RBFOX1: variants seen among roughly 807,000 people sequenced by gnomAD.
The protein encoded by RBFOX1 is RNA binding fox-1 homolog 1, also known as RNA binding protein fox-1 homolog 1.
In RBFOX1, 8 loss-of-function variants were observed where a neutral mutation model predicts 57.7. That is an observed-to-expected ratio of 0.14 (90% confidence interval 0.08 to 0.25). The LOEUF (loss-of-function observed/expected upper bound fraction) is 0.25. Among genes scored for constraint, RBFOX1 ranks in the 10% least tolerant of loss-of-function variants. The probability of loss-of-function intolerance (pLI) is 1.00; values close to 1 mark genes in which losing one functional copy is unlikely to be tolerated. For synonymous variants in RBFOX1, 326 were observed against 222.4 expected (o/e 1.47, Z -4.15); for missense variants, 611 against 548.5 (o/e 1.11, Z -1.14).
At chr16:7,436,542 G>C (rs147111869) in intron 4 of RBFOX1, among the ~76,000 whole-genome samples, 1 of 152,184 alleles carries the variant, frequency 6.6e-6, no homozygotes, top group Non-Finnish European at 1.5e-5. Context: ...ACTCTAGGGG[G>C]CAGGCATAAG....
chr16:6,909,471 A>C (rs563232770), intron 3 of RBFOX1, among the ~76,000 whole-genome samples: 2 of 152,334 alleles, frequency 1.3e-5, no homozygotes, highest in East Asian at 3.9e-4. Flanking sequence ...ATTACGATGC[A>C]GGCATCTTTG....
At chr16:6,742,567 A>C (rs2072510173) in intron 3 of RBFOX1, among the ~76,000 whole-genome samples, 1 of 152,238 alleles carries the variant, frequency 6.6e-6, no homozygotes, top group African/African-American at 2.4e-5. Context: ...TCTGAGTCAA[A>C]AACTGGAAAC....
chr16:7,710,755 C>T lies in RBFOX1; in HGVS notation c.*10C>T. The T allele has an allele frequency of 6.5e-7, 1 of 1,549,192 alleles. No homozygotes were observed. Among genetic ancestry groups the T allele is most frequent in the South Asian group, 1.3e-5 (1 of 79,222 alleles). On this transcript the variant is annotated 3_prime_UTR_variant, in exon 16 of 16. Coordinates refer to ENST00000550418, the MANE Select transcript of RBFOX1 (RefSeq NM_018723.4). The stretch of plus-strand genomic sequence containing the variant: ...TTTTGCTCCATACTAAATGACAAAA[C>T]CATAAAAACCTTCCAATGTGGGGAG...
chr16:6,253,178 C>G (rs1053217530), intron 1 of RBFOX1, among the ~76,000 whole-genome samples: 11 of 152,146 alleles, frequency 7.2e-5, no homozygotes, highest in African/African-American at 2.4e-4. Flanking sequence ...TCTCATCTAA[C>G]TCCAAATTCT....
chr16:7,263,626 G>A (rs76126689), intron 4 of RBFOX1, among the ~76,000 whole-genome samples: 12,350 of 152,078 alleles, frequency 0.081, 525 homozygotes, highest in South Asian at 0.12. Context: ...GGCTGGGAAC[G>A]GTGGCTCACA....
At chr16:7,585,937 C>G (rs548879390) in intron 6 of RBFOX1, among the ~76,000 whole-genome samples, 172 of 152,174 alleles carry the variant, frequency 1.1e-3, no homozygotes, top group Non-Finnish European at 1.6e-3. Flanking sequence ...CCCAGTCGCT[C>G]TGTCCGCTGC....
chr16:5,828,336 T>C (rs1025477127), intron 3 of RBFOX1, among the ~76,000 whole-genome samples: 1 of 152,162 alleles, frequency 6.6e-6, no homozygotes, highest in African/African-American at 2.4e-5. Flanking sequence ...AAACATGGTA[T>C]TAAAGGATAA....
At chr16:7,526,712 C>T (rs201466577) in intron 5 of RBFOX1, among the ~76,000 whole-genome samples, 2 of 152,218 alleles carry the variant, frequency 1.3e-5, no homozygotes, top group South Asian at 2.1e-4. Context: ...TGCTCATTGA[C>T]TGTCAGACTA....
chr16:5,921,917 C>G (rs1421369211), intron 4 of RBFOX1, among the ~76,000 whole-genome samples: 1 of 151,424 alleles, frequency 6.6e-6, no homozygotes, highest in African/African-American at 2.4e-5. Flanking sequence ...TTTGGGAAGG[C>G]AAGGTGGGAG....
At chr16:7,490,316 G>T (rs944044610) in intron 4 of RBFOX1, among the ~76,000 whole-genome samples, 4 of 152,190 alleles carry the variant, frequency 2.6e-5, no homozygotes, top group African/African-American at 9.7e-5. Context: ...TGCTAGCTCT[G>T]CTAGACTAGG....
intron 1 of RBFOX1, among the ~76,000 whole-genome samples, chr16:6,185,336 C>G (rs1203277212): frequency 6.6e-6 from 1 of 152,190 alleles, no homozygotes; most frequent in African/African-American, 2.4e-5. Context: ...TTCATTCCAA[C>G]AAGGCTTCCC....
At position 5,738,922 on chromosome 16, in the gene RBFOX1, C is replaced by G. The variant is rs1293524588; in HGVS notation, c.319-128381C>G. ...CCAGGGAAGATGGATGAACTCAAAG[C>G]AAAATTGGGTCTACATGGATTTTCT... On this transcript the variant is annotated intron_variant, in intron 3 of 19. Transcript: ENST00000641259. Among the ~76,000 whole-genome samples the G allele has an allele frequency of 2.0e-5, 3 of 152,142 alleles. No individual in the cohort carries two copies. In the East Asian group the frequency reaches 5.8e-4, roughly 29 times the overall value.
At chr16:5,945,030 C>T (rs2059371818) in intron 4 of RBFOX1, among the ~76,000 whole-genome samples, 1 of 148,902 alleles carries the variant, frequency 6.7e-6, no homozygotes, top group Non-Finnish European at 1.5e-5. Flanking sequence ...CCATTCTCAC[C>T]TCCCTTGCTG....
chr16:6,907,763 AG>A (rs2070431804), intron 3 of RBFOX1, among the ~76,000 whole-genome samples: 1 of 145,900 alleles, frequency 6.9e-6, no homozygotes, highest in Non-Finnish European at 1.6e-5. Context: ...TAGTAGAGAT[AG>A]GGTTTCACCA....
chr16:7,386,130 G>T (rs1398839204), intron 4 of RBFOX1, among the ~76,000 whole-genome samples: 3 of 152,010 alleles, frequency 2.0e-5, no homozygotes, highest in Non-Finnish European at 4.4e-5. Flanking sequence ...GGCATGGTGA[G>T]GACTCTTGGG....
intron 1 of RBFOX1, among the ~76,000 whole-genome samples, chr16:6,110,684 C>T (rs2096435992): frequency 6.6e-6 from 1 of 152,174 alleles, no homozygotes; most frequent in Non-Finnish European, 1.5e-5. Flanking sequence ...AATATCATCT[C>T]AGTCCTCAAG....
intron 2 of RBFOX1, among the ~76,000 whole-genome samples, chr16:6,551,191 A>G (rs1024205781): frequency 7.2e-5 from 11 of 152,194 alleles, no homozygotes; most frequent in East Asian, 1.9e-4. Flanking sequence ...AACTCAGGAT[A>G]AGCAGCTTCT....
chr16:6,828,686 C>G (rs921427678), intron 3 of RBFOX1, among the ~76,000 whole-genome samples: 1 of 151,996 alleles, frequency 6.6e-6, no homozygotes, highest in Non-Finnish European at 1.5e-5. Context: ...TGTTTGTTAA[C>G]ATCCTAAGTC....
chr16:6,878,314 G>C (rs2062224789), intron 3 of RBFOX1, among the ~76,000 whole-genome samples: 1 of 152,180 alleles, frequency 6.6e-6, no homozygotes, highest in Non-Finnish European at 1.5e-5. Context: ...ATAAATGAAA[G>C]TGACAGGTGC....
Sources: allele counts gnomAD v4.1 joint callset (sites outside exome capture counted in the v4.1 genomes callset), GRCh38; gene constraint gnomAD v4.1.1; transcripts MANE v1.5; gene names NCBI Gene and HGNC (gene_info 2026-07-23, HGNC 2026-07-21).